PGAP1: variants seen among roughly 807,000 people sequenced by gnomAD.
The protein encoded by PGAP1 is GPI inositol-deacylase.
PGAP1 carries 76 observed loss-of-function variants against 127.0 expected under a neutral mutation model. The ratio of observed to expected loss-of-function variants is 0.60; its 90% CI spans 0.50 to 0.72. PGAP1 has a LOEUF of 0.72. Ranked by LOEUF, PGAP1 falls within the 30% of genes least tolerant of loss-of-function variation. PGAP1 has a pLI of 0.00. For synonymous variants in PGAP1, 362 were observed against 366.5 expected (o/e 0.99, Z 0.14); for missense variants, 982 against 1,071.3 (o/e 0.92, Z 1.16).
intron 12 of PGAP1, 42 bp downstream of exon 12, chr2:196,885,381 AT>A (rs761246293): frequency 4.3e-5 from 60 of 1,387,108 alleles, no homozygotes; most frequent in Non-Finnish European, 5.2e-5. Context: ...AGACTCAAGT[AT>A]TTTTTTCAAC....
chr2:196,845,848 G>C (rs754546701), intron 23 of PGAP1, 34 bp downstream of exon 23: 3 of 1,563,094 alleles, frequency 1.9e-6, no homozygotes, highest in Non-Finnish European at 2.6e-6. Flanking sequence ...CTAATACAAA[G>C]CTCAATCATT....
intron 26 of PGAP1, among the ~76,000 whole-genome samples, chr2:196,842,050 A>G (rs1227586029): frequency 1.3e-5 from 2 of 148,710 alleles, no homozygotes; most frequent in South Asian, 4.2e-4. Context: ...CCTACTTATA[A>G]AAAAAAAAAA....
intron 12 of PGAP1, among the ~76,000 whole-genome samples, chr2:196,882,236 G>A (rs1188444536): frequency 6.6e-6 from 1 of 152,204 alleles, no homozygotes; most frequent in Non-Finnish European, 1.5e-5. Context: ...GTACCATGCT[G>A]TTTTGGTTAC....
At chr2:196,879,418 GGCGCGGTGGCTCACACCT>G (rs1701662646) in intron 13 of PGAP1, among the ~76,000 whole-genome samples, 2 of 152,142 alleles carry the variant, frequency 1.3e-5, no homozygotes, top group Non-Finnish European at 2.9e-5. Flanking sequence ...TTGTCAGCCA[GGCGCGGTGGCTCACACCT>G]GTAATCCCAG....
intron 10 of PGAP1, among the ~76,000 whole-genome samples, chr2:196,888,203 G>A (rs1405526871): frequency 1.3e-5 from 2 of 152,150 alleles, no homozygotes; most frequent in Non-Finnish European, 2.9e-5. Flanking sequence ...AACTCCTAAA[G>A]TATACAGGAA....
At chr2:196,841,459 G>T (rs1351088537) in intron 26 of PGAP1, 87 bp from the exon 27 acceptor site, 1 of 950,210 alleles carries the variant, frequency 1.1e-6, no homozygotes, top group Non-Finnish European at 1.5e-6. Flanking sequence ...GTTTTGGAAA[G>T]ATAAATATTC....
At chr2:196,849,704 C>T (rs1179928468) in intron 20 of PGAP1, among the ~76,000 whole-genome samples, 1 of 152,116 alleles carries the variant, frequency 6.6e-6, no homozygotes, top group Non-Finnish European at 1.5e-5. Flanking sequence ...ATAAAAGTAA[C>T]TGAAGGGCAC....
At chr2:196,853,908 GA>G (rs1700793559) in intron 20 of PGAP1, among the ~76,000 whole-genome samples, 1 of 143,646 alleles carries the variant, frequency 7.0e-6, no homozygotes, top group African/African-American at 2.6e-5. Flanking sequence ...TCCCAAAGAT[GA>G]ATTTTTTTTT....
chr2:196,925,430 T>C (rs1019581782), intron 1 of PGAP1, among the ~76,000 whole-genome samples: 1 of 152,222 alleles, frequency 6.6e-6, no homozygotes, highest in Non-Finnish European at 1.5e-5. Context: ...ATAGTGCATA[T>C]ACATTTTATG....
At chr2:196,879,717 G>A (rs1230624050) in intron 13 of PGAP1, among the ~76,000 whole-genome samples, 1 of 151,882 alleles carries the variant, frequency 6.6e-6, no homozygotes, top group Non-Finnish European at 1.5e-5. Context: ...CAAAACCAGG[G>A]TCATGTCTTC....
In PGAP1 at chr2:196,841,201, A is replaced by G; in HGVS notation, c.*33T>C. On this transcript the variant is annotated 3_prime_UTR_variant, in exon 27 of 27. Coordinates refer to ENST00000354764, the MANE Select transcript of PGAP1 (RefSeq NM_024989.4). ...CCCTCTTATCACTGGCCCTAAACAC[A>G]TAAATTATCTTCATCATTCCTTAAG... is the stretch of plus-strand genomic sequence containing the variant. 1 of 1,599,678 alleles carries G rather than the reference A, an allele frequency of 6.3e-7. No homozygotes were observed. The highest frequency in any genetic ancestry group is 8.5e-7 in the Non-Finnish European group (1 of 1,172,554).
At chr2:196,905,648 G>C (rs531306532) in intron 4 of PGAP1, among the ~76,000 whole-genome samples, 2 of 151,928 alleles carry the variant, frequency 1.3e-5, no homozygotes, top group African/African-American at 4.8e-5. Flanking sequence ...CAGCGTGAGC[G>C]ACGCAGAAGA....
chr2:196,835,303 C>T lies in PGAP1; in HGVS notation c.*5931G>A, dbSNP rs1356642640. On this transcript the variant is annotated 3_prime_UTR_variant, in exon 27 of 27. Coordinates refer to ENST00000354764, the MANE Select transcript of PGAP1 (RefSeq NM_024989.4). ...TGAAACATGTGACTATATAAAGAGA[C>T]TGAATGGAAATACATAAAAAACAAA... 6.6e-6 allele frequency: 1 copy of T among 151,916 alleles called. No individual in the cohort carries two copies. The highest frequency in any genetic ancestry group is 1.5e-5 in the Non-Finnish European group (1 of 67,848). 9.4% of individuals were successfully genotyped at this position (151,916 alleles called of 1,614,324 possible). A position where few individuals can be genotyped will look rare whatever the true frequency, so the allele number is the denominator to read the frequency against.
chr2:196,915,922 C>T (rs1306696408), intron 3 of PGAP1, among the ~76,000 whole-genome samples: 1 of 148,206 alleles, frequency 6.7e-6, no homozygotes, highest in Non-Finnish European at 1.5e-5. Context: ...TATCAATGTA[C>T]CTCCCTTACT....
intron 6 of PGAP1, 68 bp downstream of exon 6, chr2:196,898,249 A>G (rs1265821623): frequency 1.8e-6 from 2 of 1,103,772 alleles, no homozygotes; most frequent in Non-Finnish European, 2.7e-6. Flanking sequence ...AGCCAATTAA[A>G]TTACTGCATT....
At chr2:196,851,394 A>G (rs1004642809) in intron 20 of PGAP1, among the ~76,000 whole-genome samples, 5 of 152,124 alleles carry the variant, frequency 3.3e-5, no homozygotes, top group African/African-American at 4.8e-5. Flanking sequence ...CTTGTTATGG[A>G]TCCTTATAGG....
chr2:196,835,373 T>C lies in PGAP1; in HGVS notation c.*5861A>G, dbSNP rs1005952501. The C allele has an allele frequency of 6.6e-6, 1 of 151,970 alleles. No homozygotes were observed. The highest frequency in any genetic ancestry group is 6.5e-5 in the Admixed American group (1 of 15,270). The allele number at this position is 151,970 out of a possible 1,614,324, so 9.4% of individuals were successfully genotyped here. ...TTCAACTACATAAATGAGACACCTG[T>C]ACTAAAATGGCTTGTACAACAATGT... is the stretch of plus-strand genomic sequence containing the variant. On this transcript the variant is annotated 3_prime_UTR_variant, in exon 27 of 27. Coordinates refer to ENST00000354764, the MANE Select transcript of PGAP1 (RefSeq NM_024989.4).
chr2:196,891,344 G>A (rs553757250), intron 9 of PGAP1, among the ~76,000 whole-genome samples: 17 of 152,186 alleles, frequency 1.1e-4, no homozygotes, highest in African/African-American at 4.1e-4. Context: ...TTTGGGGCAG[G>A]AAATGTACAA....
intron 19 of PGAP1, among the ~76,000 whole-genome samples, chr2:196,867,912 T>C (rs1477187612): frequency 6.6e-6 from 1 of 152,140 alleles, no homozygotes; most frequent in Admixed American, 6.6e-5. Context: ...GCATGGAAGG[T>C]TGGGAAAGCT....
Sources: gnomAD v4.1 joint callset for allele counts (sites outside exome capture counted in the v4.1 genomes callset) on GRCh38, gnomAD v4.1.1 for gene constraint, MANE v1.5 for transcripts, NCBI Gene and HGNC (gene_info 2026-07-23, HGNC 2026-07-21) for gene names.